UBE2J2: variants seen among roughly 807,000 people sequenced by gnomAD.
The protein encoded by UBE2J2 is ubiquitin conjugating enzyme E2 J2.
In UBE2J2, 5 loss-of-function variants were observed where a neutral mutation model predicts 28.6. That is an observed-to-expected ratio of 0.17 (90% CI 0.09 to 0.37). UBE2J2 has a LOEUF of 0.37. Ranked by LOEUF, UBE2J2 falls within the 10% of genes least tolerant of loss-of-function variation. UBE2J2 has a pLI of 1.00. For synonymous variants in UBE2J2, 138 were observed against 139.7 expected (o/e 0.99, Z 0.09); for missense variants, 226 against 338.9 (o/e 0.67, Z 2.62).
At position 1,255,572 on chromosome 1, in the gene UBE2J2, C is replaced by G; in HGVS notation, c.496-85G>C. ...ACTCCCGTTCTCAGGAGTCCACGGT[C>G]CACCACCAAGAACCAAGCCCTAGGC... is the stretch of plus-strand genomic sequence containing the variant. On this transcript the variant is annotated intron_variant, in intron 6 of 6. Coordinates refer to ENST00000349431, the MANE Select transcript of UBE2J2 (RefSeq NM_058167.3). The G allele has an allele frequency of 2.1e-6, 3 of 1,462,594 alleles. No individual in the cohort carries two copies. The South Asian group carries it at 3.9e-5, about 19-fold the overall frequency. 90.6% of individuals were successfully genotyped at this position (1,462,594 alleles called of 1,614,324 possible).
rs1235241058 is a variant in UBE2J2, at chr1:1,255,204, C to T, written c.779G>A (p.Ter260=). 1 of 1,583,702 alleles carries T rather than the reference C, an allele frequency of 6.3e-7. No individual in the cohort carries two copies. The highest frequency in any genetic ancestry group is 1.1e-5 in the South Asian group (1 of 87,962). ...GCCTTGGGTCTCGGCGCCTGGGCCTCACTCCTGCGCGATGCTCCTCAGCAC... is the reference window on the plus strand; with the variant it reads ...GCCTTGGGTCTCGGCGCCTGGGCCTTACTCCTGCGCGATGCTCCTCAGCAC... ...KYVLRSIAQE[*] Residue 260 remains the stop codon, a stop_retained_variant, in exon 7 of 7, where the codon TGA becomes TAA. Transcript: ENST00000349431.
Position 1,263,458 on chromosome 1 carries a change from T to A in UBE2J2, c.132-72A>T, listed in dbSNP as rs576005643. 2.3e-4 allele frequency: 326 copies of A among 1,424,212 alleles called. No homozygotes were observed. The Middle Eastern group carries it at 3.8e-3, about 16-fold the overall frequency. The allele number at this position is 1,424,212 out of a possible 1,614,324, so 88.2% of individuals were successfully genotyped here. On this transcript the variant is annotated intron_variant, in intron 2 of 6. Transcript: ENST00000349431. ...TCCAAAATCTGAATCATTCCAAGCCTGGGGTTTATAGAACCCAGCCAAAAT... is the reference window on the plus strand; with the variant it reads ...TCCAAAATCTGAATCATTCCAAGCCAGGGGTTTATAGAACCCAGCCAAAAT...
Position 1,268,026 on chromosome 1 carries a change from A to G in UBE2J2, c.1-34T>C. 6.2e-7 allele frequency: 1 copy of G among 1,608,416 alleles called. No homozygotes were observed. Among genetic ancestry groups the G allele is most frequent in the Non-Finnish European group, 8.5e-7 (1 of 1,175,892 alleles). The stretch of plus-strand genomic sequence containing the variant: ...AGCAACGTCTACACTGACGACGAGA[A>G]GCAGCGCCGGCCACAGCTCTCTCCC... On this transcript the variant is annotated intron_variant, in intron 1 of 6. Transcript: ENST00000349431. This position sits in a 1 kb window ranked among gnomAD's most constrained non-coding sequence, Gnocchi z 4.7.
At chr1:1,271,312 C>T (rs1640131116) in intron 1 of UBE2J2, among the ~76,000 whole-genome samples, 1 of 152,264 alleles carries the variant, frequency 6.6e-6, no homozygotes, top group African/African-American at 2.4e-5. Context: ...AGCACCGCCA[C>T]ACAGGCTGTC....
At chr1:1,256,891 A>AG in intron 5 of UBE2J2, 101 bp downstream of exon 5, 1 of 744,144 alleles carries the variant, frequency 1.3e-6, no homozygotes, top group Non-Finnish European at 1.7e-6. Context: ...GTCTCAAGAA[A>AG]AAAAAAAAAA....
At position 1,273,809 on chromosome 1, in the gene UBE2J2, C is replaced by A. The variant is rs1300262055; in HGVS notation, c.-144G>T. ...GCCCACCGAACCCGCCGCAGCGCCGCCGCCGCCGCCTCAGCCTCCAAGATG... is the reference window on the plus strand; with the variant it reads ...GCCCACCGAACCCGCCGCAGCGCCGACGCCGCCGCCTCAGCCTCCAAGATG... On this transcript the variant is annotated 5_prime_UTR_variant, in exon 1 of 7. Coordinates refer to ENST00000349431, the MANE Select transcript of UBE2J2 (RefSeq NM_058167.3). The A allele has an allele frequency of 3.9e-5, 6 of 153,758 alleles. No individual in the cohort carries two copies. Among genetic ancestry groups the A allele is most frequent in the Non-Finnish European group, 4.4e-5 (3 of 68,690 alleles). 9.5% of individuals were successfully genotyped at this position (153,758 alleles called of 1,614,324 possible). A position where few individuals can be genotyped will look rare whatever the true frequency, so the allele number is the denominator to read the frequency against.
At chr1:1,267,784 G>A (rs1639952596) in intron 2 of UBE2J2, 78 bp downstream of exon 2, 3 of 1,582,980 alleles carry the variant, frequency 1.9e-6, no homozygotes. Flanking sequence ...GGGGCACCAG[G>A]CTCGCCCAGC....
At chr1:1,269,979 G>A (rs1640065163) in intron 1 of UBE2J2, among the ~76,000 whole-genome samples, 2 of 152,156 alleles carry the variant, frequency 1.3e-5, no homozygotes, top group South Asian at 4.1e-4. Context: ...CTTGTGGGAG[G>A]TGACTGGATC....
intron 3 of UBE2J2, chr1:1,263,138 C>T (rs1161277235): frequency 1.1e-5 from 6 of 561,712 alleles, no homozygotes; most frequent in South Asian, 2.1e-5. Flanking sequence ...ACGCTACAGG[C>T]GGCCCTGCAG....
At chr1:1,260,070 C>G (rs114216792) in intron 3 of UBE2J2, among the ~76,000 whole-genome samples, 2,018 of 152,278 alleles carry the variant, frequency 0.013, 59 homozygotes, top group African/African-American at 0.046. Flanking sequence ...CAGGGGGACG[C>G]TGCAGCTTCC....
chr1:1,268,406 T>C lies in UBE2J2; in HGVS notation c.1-414A>G, dbSNP rs190794569. On this transcript the variant is annotated intron_variant, in intron 1 of 6. Transcript: ENST00000349431. This position sits in a 1 kb window ranked among gnomAD's most constrained non-coding sequence, Gnocchi z 4.7. ...CCGCACTGATGGAGAATCCACACCA[T>C]AGAAGTGGGCAGGCACCACCGCCGG... Among the ~76,000 whole-genome samples the C allele has an allele frequency of 2.2e-3, 335 of 152,000 alleles. 1 individual carries two copies. The highest frequency in any genetic ancestry group is 2.0e-3 in the Non-Finnish European group (139 of 67,986).
At chr1:1,259,099 CATGT>C (rs1639391864) in intron 3 of UBE2J2, among the ~76,000 whole-genome samples, 1 of 134,380 alleles carries the variant, frequency 7.4e-6, no homozygotes, top group South Asian at 2.2e-4. Context: ...CACGTGTGTG[CATGT>C]GTGTGCATGC....
intron 3 of UBE2J2, among the ~76,000 whole-genome samples, chr1:1,258,057 T>C (rs1008255055): frequency 4.6e-5 from 7 of 152,074 alleles, no homozygotes; most frequent in African/African-American, 1.7e-4. Flanking sequence ...GTTTTTTTTT[T>C]GAGACAGAAT....
At chr1:1,265,661 C>T (rs1017201510) in intron 2 of UBE2J2, among the ~76,000 whole-genome samples, 1 of 140,128 alleles carries the variant, frequency 7.1e-6, no homozygotes, top group African/African-American at 2.7e-5. Flanking sequence ...TGGAGTCTCA[C>T]TCTGTCGCCA....
At position 1,267,620 on chromosome 1, in the gene UBE2J2, G is replaced by A. The variant is rs573621226; in HGVS notation, c.131+242C>T. 2.1e-4 allele frequency: 222 copies of A among 1,050,138 alleles called. 2 individuals carry two copies. In the South Asian group the frequency reaches 3.1e-3, roughly 14 times the overall value. 65.1% of individuals were successfully genotyped at this position (1,050,138 alleles called of 1,614,324 possible). Reference sequence around the variant, plus strand: ...CCGCCCCCCTCAAGGGCCCCACACCGGAGATTCTCTCCAGCCCCAGCCTGA... The same window carrying A: ...CCGCCCCCCTCAAGGGCCCCACACCAGAGATTCTCTCCAGCCCCAGCCTGA... On this transcript the variant is annotated intron_variant, in intron 2 of 6. Coordinates refer to ENST00000349431, the MANE Select transcript of UBE2J2 (RefSeq NM_058167.3).
intron 2 of UBE2J2, among the ~76,000 whole-genome samples, chr1:1,265,585 GTGTGTGTTTTCTCTCCAT>G (rs1639804770): frequency 6.7e-6 from 1 of 149,498 alleles, no homozygotes; most frequent in South Asian, 2.1e-4. Flanking sequence ...GTGTGTGTGT[GTGTGTGTTTTCTCTCCAT>G]TGTGTGTGTG....
chr1:1,258,292 C>T (rs1433966137), intron 3 of UBE2J2, among the ~76,000 whole-genome samples: 10 of 152,148 alleles, frequency 6.6e-5, no homozygotes, highest in Admixed American at 3.9e-4. Flanking sequence ...CCGCCCGCCT[C>T]GGCCTCCCAA....
Position 1,268,799 on chromosome 1 carries a change from T to G in UBE2J2, c.1-807A>C, listed in dbSNP as rs1640006263. ...CTCAAGCAATCCTCCCACCTCAGCC[T>G]CCTGAGTAGCTGAGACTACAGACGC... is the stretch of plus-strand genomic sequence containing the variant. On this transcript the variant is annotated intron_variant, in intron 1 of 6. Transcript: ENST00000349431. This position sits in a 1 kb window ranked among gnomAD's most constrained non-coding sequence, Gnocchi z 4.7. 6.6e-6 allele frequency among the ~76,000 whole-genome samples: 1 copy of G among 151,936 alleles called. No individual in the cohort carries two copies. Among genetic ancestry groups the G allele is most frequent in the Non-Finnish European group, 1.5e-5 (1 of 68,026 alleles).
At chr1:1,256,443 A>G (rs2101029069) in intron 5 of UBE2J2, 1 of 304,562 alleles carries the variant, frequency 3.3e-6, no homozygotes, top group East Asian at 8.8e-5. Flanking sequence ...CCCAAGGAGG[A>G]GCCCCTGGCG....
Sources: allele counts gnomAD v4.1 joint callset (sites outside exome capture counted in the v4.1 genomes callset), GRCh38; gene constraint gnomAD v4.1.1; non-coding constraint Gnocchi (gnomAD v3.1); transcripts MANE v1.5; gene names NCBI Gene and HGNC (gene_info 2026-07-23, HGNC 2026-07-21).